The following BICDL1 variants were observed in gnomAD, a reference collection of about 807,000 sequenced individuals.
The protein encoded by BICDL1 is BICD family-like cargo adapter 1.
In BICDL1, 20 loss-of-function variants were observed where a neutral mutation model predicts 76.8. That is an observed-to-expected ratio of 0.26 (90% CI 0.18 to 0.38). The LOEUF is 0.38. Ranked by LOEUF, BICDL1 falls within the 10% of genes least tolerant of loss-of-function variation. The pLI, the probability that BICDL1 is intolerant of heterozygous loss-of-function variation, is 1.00. For missense variants in BICDL1, 700 were observed against 798.6 expected (o/e 0.88, Z 1.49); for synonymous variants, 383 against 337.1 (o/e 1.14, Z -1.49).
Position 120,093,011 on chromosome 12 carries a change from C to T in BICDL1, c.1716C>T (p.His572=). ...QQLEAWQDDM[H]RVIDRQLMDT... ...CCTCCCCTCTGCAGGATGACATGCA[C>T]AGGGTCATTGACCGGCAGCTGATGG... The change falls in exon 10 of 10, where the codon CAC becomes CAT. Residue 572 remains histidine, a synonymous_variant. Coordinates refer to ENST00000548673, the MANE Select transcript of BICDL1 (RefSeq NM_001367886.1). The T allele has an allele frequency of 6.4e-7, 1 of 1,569,712 alleles. No homozygotes were observed. The highest frequency in any genetic ancestry group is 8.7e-7 in the Non-Finnish European group (1 of 1,155,864).
At chr12:120,018,281 G>A (rs576292289) in intron 2 of BICDL1, among the ~76,000 whole-genome samples, 2 of 152,312 alleles carry the variant, frequency 1.3e-5, no homozygotes, top group South Asian at 4.1e-4. Context: ...GTGAAACCAG[G>A]ATTGGAGACA....
At chr12:120,021,552 A>G (rs911124113) in intron 2 of BICDL1, among the ~76,000 whole-genome samples, 56 of 133,674 alleles carry the variant, frequency 4.2e-4, no homozygotes, top group African/African-American at 1.4e-3. Context: ...GCGCCACTGC[A>G]CTCCACCCTG....
chr12:120,082,988 G>C (rs1306315752), intron 8 of BICDL1, among the ~76,000 whole-genome samples: 5 of 151,828 alleles, frequency 3.3e-5, no homozygotes, highest in Non-Finnish European at 7.4e-5. Context: ...TCAGCCTCCC[G>C]AATAGCTGGG....
chr12:120,012,242 A>G (rs143270167), intron 2 of BICDL1, among the ~76,000 whole-genome samples: 28 of 152,318 alleles, frequency 1.8e-4, no homozygotes, highest in Admixed American at 9.2e-4. Context: ...CACATAAGGT[A>G]CTTTCCCTGC....
chr12:120,061,595 G>A (rs1953105909), intron 2 of BICDL1, 115 bp from the exon 3 acceptor site: 3 of 767,324 alleles, frequency 3.9e-6, no homozygotes, highest in Middle Eastern at 2.4e-4. Flanking sequence ...ATCTCATCTA[G>A]TGCTCCTTAA....
chr12:120,034,487 C>T lies in BICDL1; in HGVS notation c.646-27223C>T, dbSNP rs144780132. ...CAGTTAATCCCTGGAGAGGGCAGGA[C>T]ATGTGACTTTATGACCCGTTTTGGG... On this transcript the variant is annotated intron_variant, in intron 2 of 9. Transcript: ENST00000548673. Among the ~76,000 whole-genome samples, 18 of 152,310 alleles carry T rather than the reference C, an allele frequency of 1.2e-4. No individual in the cohort carries two copies. In the East Asian group the frequency reaches 3.1e-3, roughly 26 times the overall value.
At chr12:120,035,597 T>G (rs948944719) in intron 2 of BICDL1, among the ~76,000 whole-genome samples, 5 of 152,200 alleles carry the variant, frequency 3.3e-5, no homozygotes, top group Admixed American at 2.0e-4. Context: ...CCTGCTAAAC[T>G]ACTTACTGTA....
intron 1 of BICDL1, among the ~76,000 whole-genome samples, chr12:119,997,474 A>C (rs543542017): frequency 3.9e-4 from 59 of 152,340 alleles, no homozygotes; most frequent in African/African-American, 1.4e-3. Flanking sequence ...GAATGAATCA[A>C]TGTATCAAAT....
At chr12:119,990,703 A>G (rs1271161809) in intron 1 of BICDL1, among the ~76,000 whole-genome samples, 1 of 152,250 alleles carries the variant, frequency 6.6e-6, no homozygotes, top group Non-Finnish European at 1.5e-5. Flanking sequence ...AAAGCCTTCC[A>G]GTTTGGGCGT....
chr12:120,003,369 A>G (rs1951795846), intron 2 of BICDL1, among the ~76,000 whole-genome samples: 2 of 152,016 alleles, frequency 1.3e-5, no homozygotes, highest in African/African-American at 4.8e-5. Context: ...TGGGCATTCA[A>G]TAAAAGATGG....
intron 2 of BICDL1, among the ~76,000 whole-genome samples, chr12:120,025,239 A>G (rs532264026): frequency 3.7e-4 from 56 of 151,694 alleles, no homozygotes; most frequent in Middle Eastern, 3.4e-3. Flanking sequence ...TTTAGTAGAG[A>G]TGGGGTTTCA....
At chr12:120,035,317 C>CA in intron 2 of BICDL1, among the ~76,000 whole-genome samples, 1 of 152,304 alleles carries the variant, frequency 6.6e-6, no homozygotes, top group Middle Eastern at 3.4e-3. Context: ...GCCTAGGTAA[C>CA]AGAGTGAGAC....
Position 120,090,209 on chromosome 12 carries a change from AG to A in BICDL1, c.1704+139del. 5.9e-6 allele frequency: 6 copies of A among 1,022,248 alleles called. No homozygotes were observed. In the South Asian group the frequency reaches 9.7e-5, roughly 17 times the overall value. 63.3% of individuals were successfully genotyped at this position (1,022,248 alleles called of 1,614,324 possible). On this transcript the variant is annotated intron_variant, in intron 9 of 9. Coordinates refer to ENST00000548673, the MANE Select transcript of BICDL1 (RefSeq NM_001367886.1). Reference sequence around the variant, plus strand: ...AGCACATCCCAGTCTTCACCTGGCAAGATCCAGAGCTCATGTCCCCTAGTCC... The same window carrying A: ...AGCACATCCCAGTCTTCACCTGGCAAATCCAGAGCTCATGTCCCCTAGTCC...
rs141780163 is a variant in BICDL1 at position 120,051,531 on chromosome 12, G to GA, written c.646-10175dup. ...TTTTACTATAATATTATTTTTATTA[G>GA]AAAACTATTTATGGAGATTATTTGA... On this transcript the variant is annotated intron_variant, in intron 2 of 9. Transcript: ENST00000548673. 8.5e-3 allele frequency among the ~76,000 whole-genome samples: 1,294 copies of GA among 151,810 alleles called. 16 individuals carry two copies. Among genetic ancestry groups the GA allele is most frequent in the African/African-American group, 0.029 (1,211 of 41,382 alleles).
Position 120,080,955 on chromosome 12 carries a change from G to A in BICDL1, c.1521G>A (p.Glu507=). 1.2e-6 allele frequency: 2 copies of A among 1,613,880 alleles called. No homozygotes were observed. Among genetic ancestry groups the A allele is most frequent in the Non-Finnish European group, 1.7e-6 (2 of 1,179,948 alleles). ...GAGACCGACTCAGAGTCACTTCTGAGGACAAGGAGCCAAAGGAGCAGCTTC... is the reference window on the plus strand; with the variant it reads ...GAGACCGACTCAGAGTCACTTCTGAAGACAAGGAGCCAAAGGAGCAGCTTC... The part of the protein sequence containing the change: ...EERDRLRVTS[E]DKEPKEQLQK... Residue 507 remains glutamate (E), a synonymous_variant, in exon 8 of 10, where the codon GAG becomes GAA. Transcript: ENST00000548673.
At chr12:120,003,908 A>C (rs146731648) in intron 2 of BICDL1, among the ~76,000 whole-genome samples, 2 of 152,204 alleles carry the variant, frequency 1.3e-5, no homozygotes, top group African/African-American at 4.8e-5. Flanking sequence ...TTTAGGTATC[A>C]TTATGGCTTT....
chr12:120,008,658 T>A (rs1160182161), intron 2 of BICDL1, among the ~76,000 whole-genome samples: 1 of 152,192 alleles, frequency 6.6e-6, no homozygotes, highest in Non-Finnish European at 1.5e-5. Context: ...GATTTTTTGG[T>A]TGATATTTGC....
In BICDL1 at chr12:120,093,265, C is replaced by T. The variant is rs1221466411; in HGVS notation, c.*104C>T. The T allele has an allele frequency of 1.0e-5, 14 of 1,358,036 alleles. No homozygotes were observed. The East Asian group carries it at 1.3e-4, about 12-fold the overall frequency. 84.1% of individuals were successfully genotyped at this position (1,358,036 alleles called of 1,614,324 possible). On this transcript the variant is annotated 3_prime_UTR_variant, in exon 10 of 10. Transcript: ENST00000548673. ...GCTTGCACCTCAGCAGCTGCCCTGC[C>T]CCTCATGCTAGGGCCCCATGGGTCC...
Position 119,991,587 on chromosome 12 carries a change from A to G in BICDL1, c.429+1290A>G, listed in dbSNP as rs190122917. Among the ~76,000 whole-genome samples the G allele has an allele frequency of 4.4e-3, 674 of 152,312 alleles. 5 individuals are homozygous for G. Among genetic ancestry groups the G allele is most frequent in the African/African-American group, 0.016 (648 of 41,562 alleles). ...ATTGAATTGTTTAATTTTCACTTGA[A>G]GTAGAGGTCTAGAAATAAAAAGCCT... On this transcript the variant is annotated intron_variant, in intron 1 of 9. Coordinates refer to ENST00000548673, the MANE Select transcript of BICDL1 (RefSeq NM_001367886.1).
Sources: allele counts gnomAD v4.1 joint callset (sites outside exome capture counted in the v4.1 genomes callset), GRCh38; gene constraint gnomAD v4.1.1; transcripts MANE v1.5; gene names NCBI Gene and HGNC (gene_info 2026-07-23, HGNC 2026-07-21).